The following CHST11 variants were observed in gnomAD, a reference collection of about 807,000 sequenced individuals.
CHST11 encodes the protein carbohydrate sulfotransferase 11.
A neutral mutation model predicts 30.4 loss-of-function variants in CHST11; 9 were observed. The observed-to-expected ratio is 0.30, with a 90% confidence interval of 0.18 to 0.52. CHST11 has a LOEUF of 0.52. Among genes scored for constraint, CHST11 ranks in the 20% least tolerant of loss-of-function variants. The probability of loss-of-function intolerance (pLI) is 0.97; values close to 1 mark genes in which losing one functional copy is unlikely to be tolerated. For missense variants in CHST11, 348 were observed against 460.6 expected, an observed-to-expected ratio of 0.76 and a Z score of 2.24; for synonymous variants, 152 against 187.8, an observed-to-expected ratio of 0.81 and a Z score of 1.56.
At chr12:104,548,389 C>A (rs528139957) in intron 1 of CHST11, among the ~76,000 whole-genome samples, 1 of 152,104 alleles carries the variant, frequency 6.6e-6, no homozygotes, top group Non-Finnish European at 1.5e-5. Flanking sequence ...TTTCACGCTA[C>A]CAGTGTGATG....
chr12:104,504,351 G>A lies in CHST11; in HGVS notation c.118+46822G>A, dbSNP rs968161765. Reference sequence around the variant, plus strand: ...GCTTCTCACCGGGGTGGACTCAGGCGCAGTGGCATGTGTGTTAAGAAAACC... The same window carrying A: ...GCTTCTCACCGGGGTGGACTCAGGCACAGTGGCATGTGTGTTAAGAAAACC... On this transcript the variant is annotated intron_variant, in intron 1 of 2. Transcript: ENST00000303694. Among the ~76,000 whole-genome samples the A allele has an allele frequency of 7.2e-5, 11 of 152,242 alleles. No homozygotes were observed. The East Asian group carries it at 1.2e-3, about 16-fold the overall frequency.
In CHST11 at chr12:104,496,295, A is replaced by G. The variant is rs925450543; in HGVS notation, c.118+38766A>G. Among the ~76,000 whole-genome samples the G allele has an allele frequency of 4.3e-4, 66 of 152,236 alleles. 2 individuals carry two copies. The highest frequency in any genetic ancestry group is 4.3e-3 in the Admixed American group (65 of 15,288). ...CACCAGATTTTCTGGAAAGCCATAC[A>G]TGTGCTATAATGCCTGTCAAATAAA... On this transcript the variant is annotated intron_variant, in intron 1 of 2. Coordinates refer to ENST00000303694, the MANE Select transcript of CHST11 (RefSeq NM_018413.6).
rs2039614770 is a variant in CHST11, at chr12:104,663,419, TCAC to T, written c.204+61431_204+61433del. The stretch of plus-strand genomic sequence containing the variant: ...GCAAGTCAAATGAATAAGGTAAAAA[TCAC>T]CAGCAAATCCACCACCCAGAGATAA... On this transcript the variant is annotated intron_variant, in intron 2 of 2. Transcript: ENST00000303694. 2.6e-5 allele frequency among the ~76,000 whole-genome samples: 4 copies of T among 152,150 alleles called. No homozygotes were observed. In the South Asian group the frequency reaches 8.3e-4, roughly 31 times the overall value.
chr12:104,695,863 C>T (rs920952064), intron 2 of CHST11, among the ~76,000 whole-genome samples: 6 of 152,156 alleles, frequency 3.9e-5, no homozygotes, highest in African/African-American at 1.4e-4. Context: ...TCCTGGCCTG[C>T]TGGGAACAGT....
intron 2 of CHST11, among the ~76,000 whole-genome samples, chr12:104,627,667 A>G (rs577055264): frequency 2.6e-5 from 4 of 152,370 alleles, no homozygotes; most frequent in African/African-American, 9.6e-5. Flanking sequence ...ACTCCCAAGT[A>G]TTTGACGGGC....
chr12:104,681,468 A>G (rs558633358), intron 2 of CHST11, among the ~76,000 whole-genome samples: 295 of 152,346 alleles, frequency 1.9e-3, no homozygotes, highest in Middle Eastern at 3.4e-3. Context: ...GGGGTGATAA[A>G]TATATTCTAA....
intron 1 of CHST11, among the ~76,000 whole-genome samples, chr12:104,542,500 G>C (rs1330870056): frequency 6.6e-6 from 1 of 152,208 alleles, no homozygotes; most frequent in Non-Finnish European, 1.5e-5. Context: ...AGTGAAATCA[G>C]CCAGACACAG....
chr12:104,688,187 A>G (rs557515566), intron 2 of CHST11, among the ~76,000 whole-genome samples: 1 of 152,356 alleles, frequency 6.6e-6, no homozygotes, highest in Admixed American at 6.5e-5. Context: ...ACAAGTGTTC[A>G]GGTGACTGTT....
At chr12:104,478,135 A>G (rs2135958747) in intron 1 of CHST11, among the ~76,000 whole-genome samples, 1 of 152,152 alleles carries the variant, frequency 6.6e-6, no homozygotes, top group Non-Finnish European at 1.5e-5. Flanking sequence ...CCATAACTCA[A>G]ACTGTATCTT....
chr12:104,462,151 G>C (rs771217996), intron 1 of CHST11, among the ~76,000 whole-genome samples: 6 of 92,142 alleles, frequency 6.5e-5, no homozygotes, highest in Non-Finnish European at 1.2e-4. Context: ...TGGGCAACAA[G>C]AGTTAAACAC....
chr12:104,528,704 A>G (rs749152319), intron 1 of CHST11, among the ~76,000 whole-genome samples: 10 of 152,208 alleles, frequency 6.6e-5, no homozygotes, highest in Non-Finnish European at 1.5e-4. Context: ...GATAGAGAGA[A>G]TTTTAAATTC....
At position 104,710,034 on chromosome 12, in the gene CHST11, A is replaced by G. The variant is rs118079719; in HGVS notation, c.205-46915A>G. Reference sequence around the variant, plus strand: ...GAACACAGCCAGCAAGACCCCATCTACACAGAAATTCAAAAAATCTGCCAG... The same window carrying G: ...GAACACAGCCAGCAAGACCCCATCTGCACAGAAATTCAAAAAATCTGCCAG... On this transcript the variant is annotated intron_variant, in intron 2 of 2. Transcript: ENST00000303694. Among the ~76,000 whole-genome samples the G allele has an allele frequency of 9.4e-3, 1,438 of 152,184 alleles. 12 individuals are homozygous for G. Among genetic ancestry groups the G allele is most frequent in the Non-Finnish European group, 0.013 (885 of 67,994 alleles).
rs1158053868 is a variant in CHST11, at chr12:104,486,838, G to A, written c.118+29309G>A. 2.6e-5 allele frequency among the ~76,000 whole-genome samples: 4 copies of A among 152,152 alleles called. No individual in the cohort carries two copies. The East Asian group carries it at 7.7e-4, about 29-fold the overall frequency. ...ATTGCAGCTGAACATGATTTCTGAA[G>A]GAAGAGCATGTTTAAAACGAAGGGG... On this transcript the variant is annotated intron_variant, in intron 1 of 2. Coordinates refer to ENST00000303694, the MANE Select transcript of CHST11 (RefSeq NM_018413.6).
chr12:104,466,006 C>G (rs1265733923), intron 1 of CHST11, among the ~76,000 whole-genome samples: 1 of 151,938 alleles, frequency 6.6e-6, no homozygotes, highest in Non-Finnish European at 1.5e-5. Context: ...ATTACAGGTG[C>G]CCGCCATCAC....
chr12:104,512,947 A>C (rs2037980339), intron 1 of CHST11, among the ~76,000 whole-genome samples: 1 of 152,016 alleles, frequency 6.6e-6, no homozygotes, highest in South Asian at 2.1e-4. Context: ...TTGCCTTAAA[A>C]ATTCCCCAGC....
chr12:104,597,525 A>G (rs1296557469), intron 1 of CHST11, among the ~76,000 whole-genome samples: 1 of 152,190 alleles, frequency 6.6e-6, no homozygotes, highest in Non-Finnish European at 1.5e-5. Context: ...TTCTCCTTAT[A>G]TAGCAAGAAC....
At chr12:104,494,095 C>A (rs1038351737) in intron 1 of CHST11, among the ~76,000 whole-genome samples, 1 of 152,182 alleles carries the variant, frequency 6.6e-6, no homozygotes, top group Non-Finnish European at 1.5e-5. Flanking sequence ...GTGTGAGCCA[C>A]CGTGCCTGGC....
rs151164341 is a variant in CHST11 at position 104,471,728 on chromosome 12, C to T, written c.118+14199C>T. Among the ~76,000 whole-genome samples the T allele has an allele frequency of 3.3e-3, 508 of 152,224 alleles. 3 individuals carry two copies. Among genetic ancestry groups the T allele is most frequent in the South Asian group, 9.5e-3 (46 of 4,826 alleles). On this transcript the variant is annotated intron_variant, in intron 1 of 2. Transcript: ENST00000303694. ...GGTGAGATTAATACCTGAAATATTG[C>T]AACAGGTACTCAATATTAAAACTCA...
At chr12:104,622,792 CAAT>C (rs1247288557) in intron 2 of CHST11, among the ~76,000 whole-genome samples, 1 of 152,156 alleles carries the variant, frequency 6.6e-6, no homozygotes, top group Non-Finnish European at 1.5e-5. Context: ...GAAGATAATG[CAAT>C]AAACGGCTGA....
Sources: gnomAD v4.1 joint callset for allele counts (sites outside exome capture counted in the v4.1 genomes callset) on GRCh38, gnomAD v4.1.1 for gene constraint, MANE v1.5 for transcripts, NCBI Gene and HGNC (gene_info 2026-07-23, HGNC 2026-07-21) for gene names.